Variants in PDE4B observed in about 807,000 individuals in gnomAD.
PDE4B encodes phosphodiesterase 4B.
PDE4B carries 20 observed loss-of-function variants against 82.2 expected under a neutral mutation model. The observed-to-expected ratio is 0.24, with a 90% CI of 0.17 to 0.35. The LOEUF is 0.35. Ranked by LOEUF, PDE4B falls within the 10% of genes least tolerant of loss-of-function variation. The pLI, the probability that PDE4B is intolerant of heterozygous loss-of-function variation, is 1.00. For synonymous variants in PDE4B, 320 were observed against 318.9 expected (o/e 1.00, Z -0.04); for missense variants, 655 against 907.2 (o/e 0.72, Z 3.57).
intron 1 of PDE4B, among the ~76,000 whole-genome samples, chr1:65,908,429 A>G (rs1382913202): frequency 6.6e-6 from 1 of 152,170 alleles, no homozygotes; most frequent in Non-Finnish European, 1.5e-5. Flanking sequence ...TCCATTGATC[A>G]CTTATGGAGA....
chr1:65,906,471 A>C (rs1473431566), intron 1 of PDE4B, among the ~76,000 whole-genome samples: 1 of 152,148 alleles, frequency 6.6e-6, no homozygotes, highest in Non-Finnish European at 1.5e-5. Context: ...AGTGATTTAT[A>C]TGCCTCTTTA....
At chr1:66,268,452 GAGGTCAGGAGTTCA>G (rs1171137631) in intron 7 of PDE4B, among the ~76,000 whole-genome samples, 7 of 151,930 alleles carry the variant, frequency 4.6e-5, no homozygotes, top group African/African-American at 1.7e-4. Flanking sequence ...GACGGATCAC[GAGGTCAGGAGTTCA>G]AGACCAGCCT....
chr1:66,225,015 A>G (rs1240241279), intron 3 of PDE4B, among the ~76,000 whole-genome samples: 5 of 152,178 alleles, frequency 3.3e-5, no homozygotes, highest in Non-Finnish European at 7.3e-5. Flanking sequence ...ACAATTCATG[A>G]ACCATATCCA....
chr1:65,927,625 T>C (rs965128799), intron 3 of PDE4B, among the ~76,000 whole-genome samples: 1 of 151,866 alleles, frequency 6.6e-6, no homozygotes, highest in African/African-American at 2.4e-5. Context: ...GATCCATCTG[T>C]CTTCTGCACA....
At chr1:66,321,258 T>C (rs538782618) in intron 7 of PDE4B, among the ~76,000 whole-genome samples, 2 of 152,328 alleles carry the variant, frequency 1.3e-5, no homozygotes, top group South Asian at 4.1e-4. Flanking sequence ...AAAATTACAT[T>C]TCTGGACCTG....
At chr1:66,231,765 A>G (rs1034581208) in intron 3 of PDE4B, among the ~76,000 whole-genome samples, 4 of 152,254 alleles carry the variant, frequency 2.6e-5, no homozygotes, top group Non-Finnish European at 5.9e-5. Flanking sequence ...TTAAAAAGTA[A>G]AGACTTCTCT....
chr1:66,187,748 C>T (rs140037055), intron 3 of PDE4B, among the ~76,000 whole-genome samples: 1,630 of 130,038 alleles, frequency 0.013, 26 homozygotes, highest in South Asian at 0.058. Context: ...GTCTTGCTAG[C>T]GGTCTATCAA....
intron 3 of PDE4B, among the ~76,000 whole-genome samples, chr1:66,185,454 C>T (rs900131765): frequency 1.2e-4 from 19 of 152,172 alleles, no homozygotes; most frequent in African/African-American, 3.4e-4. Context: ...TACAGTCCCA[C>T]CAACAGTGTA....
intron 9 of PDE4B, among the ~76,000 whole-genome samples, chr1:66,356,680 C>G (rs1028545793): frequency 6.6e-6 from 1 of 152,234 alleles, no homozygotes; most frequent in Admixed American, 6.5e-5. Flanking sequence ...TCCTATTTCT[C>G]TAACACCAAA....
intron 1 of PDE4B, among the ~76,000 whole-genome samples, chr1:65,856,197 T>A (rs979739339): frequency 2.0e-4 from 30 of 152,180 alleles, no homozygotes; most frequent in African/African-American, 5.3e-4. Context: ...TAGAGTTTTT[T>A]AAATTATTTT....
At chr1:66,003,414 C>A (rs1305135796) in intron 3 of PDE4B, among the ~76,000 whole-genome samples, 1 of 151,908 alleles carries the variant, frequency 6.6e-6, no homozygotes, top group Non-Finnish European at 1.5e-5. Context: ...ACTTTGAAGT[C>A]ATTCCATCCA....
At chr1:66,089,999 T>C (rs1644978622) in intron 3 of PDE4B, among the ~76,000 whole-genome samples, 1 of 152,054 alleles carries the variant, frequency 6.6e-6, no homozygotes, top group Non-Finnish European at 1.5e-5. Flanking sequence ...ATACCCTTGA[T>C]CTATGTAGAT....
At chr1:65,901,331 G>A (rs1391996345) in intron 1 of PDE4B, among the ~76,000 whole-genome samples, 1 of 152,060 alleles carries the variant, frequency 6.6e-6, no homozygotes, top group Non-Finnish European at 1.5e-5. Context: ...TTAACTTTCT[G>A]ATGTGCTTCT....
intron 3 of PDE4B, among the ~76,000 whole-genome samples, chr1:65,954,155 C>G (rs1030555895): frequency 1.3e-5 from 2 of 152,108 alleles, no homozygotes; most frequent in Non-Finnish European, 2.9e-5. Flanking sequence ...CCTTGGCCTC[C>G]CAAAAAGCTA....
Position 66,260,069 on chromosome 1 carries a change from G to A in PDE4B, c.584+2206G>A, listed in dbSNP as rs140250191. Among the ~76,000 whole-genome samples the A allele has an allele frequency of 3.2e-3, 494 of 152,288 alleles. 1 individual carries two copies. The highest frequency in any genetic ancestry group is 0.011 in the African/African-American group (471 of 41,554). Reference sequence around the variant, plus strand: ...TAAATGTGAGCTATTATAATGGATCGTTACATTTCTCTTGCTGAATCCAGA... The same window carrying A: ...TAAATGTGAGCTATTATAATGGATCATTACATTTCTCTTGCTGAATCCAGA... On this transcript the variant is annotated intron_variant, in intron 6 of 16. Coordinates refer to ENST00000341517, the MANE Select transcript of PDE4B (RefSeq NM_002600.4).
intron 3 of PDE4B, among the ~76,000 whole-genome samples, chr1:66,163,311 A>G (rs1396971981): frequency 6.6e-6 from 1 of 152,224 alleles, no homozygotes; most frequent in Non-Finnish European, 1.5e-5. Context: ...TGACGTCTGT[A>G]TATTTAGTCT....
At chr1:66,334,844 C>T (rs1316295825) in intron 8 of PDE4B, among the ~76,000 whole-genome samples, 1 of 152,178 alleles carries the variant, frequency 6.6e-6, no homozygotes, top group East Asian at 1.9e-4. Flanking sequence ...TGGTGGCTCA[C>T]GCCTGTAATC....
chr1:66,182,895 A>G (rs773865483), intron 3 of PDE4B, among the ~76,000 whole-genome samples: 3 of 152,246 alleles, frequency 2.0e-5, no homozygotes, highest in African/African-American at 7.2e-5. Context: ...AAAAAATATC[A>G]TCAGCTATCC....
intron 3 of PDE4B, among the ~76,000 whole-genome samples, chr1:66,201,737 T>C (rs945469478): frequency 1.3e-5 from 2 of 152,048 alleles, no homozygotes; most frequent in Non-Finnish European, 2.9e-5. Flanking sequence ...CTTCTCTCTT[T>C]TCTTCTTTAT....
Sources: allele counts gnomAD v4.1 joint callset (sites outside exome capture counted in the v4.1 genomes callset), GRCh38; gene constraint gnomAD v4.1.1; transcripts MANE v1.5; gene names NCBI Gene and HGNC (gene_info 2026-07-23, HGNC 2026-07-21).